The following PLEKHG5 variants were observed in gnomAD, a reference collection of about 807,000 sequenced individuals.
PLEKHG5 encodes pleckstrin homology and RhoGEF domain containing G5.
Under a neutral mutation model 103.8 loss-of-function variants are expected in PLEKHG5, and 52 were observed. The observed-to-expected ratio is 0.50, with a 90% CI of 0.40 to 0.63. The LOEUF (loss-of-function observed/expected upper bound fraction) is 0.63. PLEKHG5 is among the 30% of genes least tolerant of loss of function. The pLI is 0.00. For synonymous variants in PLEKHG5, 592 were observed against 575.5 expected (o/e 1.03, Z -0.41); for missense variants, 1,205 against 1,347.6 (o/e 0.89, Z 1.66).
rs1645131236 is a variant in PLEKHG5 at position 6,490,536 on chromosome 1, G to T, written c.-88+1101C>A. Reference sequence around the variant, plus strand: ...AGCCTCATGGGGCGCGCGGGGAGAGGGGGACGGGAGCCGCGGGACGGGCTC... The same window carrying T: ...AGCCTCATGGGGCGCGCGGGGAGAGTGGGACGGGAGCCGCGGGACGGGCTC... On this transcript the variant is annotated intron_variant, in intron 1 of 20. Transcript: ENST00000377728. This position sits in a 1 kb window ranked among gnomAD's most constrained non-coding sequence, Gnocchi z 8.0. 1.0e-6 allele frequency: 1 copy of T among 985,544 alleles called. No individual in the cohort carries two copies. Among genetic ancestry groups the T allele is most frequent in the Non-Finnish European group, 1.2e-6 (1 of 830,018 alleles). The allele number at this position is 985,544 out of a possible 1,614,324, so 61.0% of individuals were successfully genotyped here.
chr1:6,501,602 A>T (rs1645297610), upstream of PLEKHG5, among the ~76,000 whole-genome samples: 1 of 152,056 alleles, frequency 6.6e-6, no homozygotes, highest in African/African-American at 2.4e-5. The surrounding 1 kb of genome is among the most constrained non-coding windows in gnomAD (Gnocchi z 4.3). Flanking sequence ...TGTGTAGAGG[A>T]ATGATCATTG....
At position 6,473,309 on chromosome 1, in the gene PLEKHG5, G is replaced by A. The variant is rs1349934211; in HGVS notation, c.737C>T (p.Ala246Val). Reference protein sequence around the residue: ...TNTGDSWKNRAASRFSGFFSS... With the variant: ...TNTGDSWKNRVASRFSGFFSS... Reference sequence around the variant, plus strand: ...GAAAAAGCCGCTGAAGCGACTGGCCGCCCGGTTCTTCCAGCTGTCGCCAGT... The same window carrying A: ...GAAAAAGCCGCTGAAGCGACTGGCCACCCGGTTCTTCCAGCTGTCGCCAGT... The change falls in exon 8 of 21, where the codon GCG becomes GTG. Residue 246 changes from alanine (A) to valine (V), a missense_variant. By Grantham distance (64) the Ala-to-Val change is moderately conservative. Coordinates refer to ENST00000377728, the MANE Select transcript of PLEKHG5 (RefSeq NM_020631.6). 4.4e-6 allele frequency: 7 copies of A among 1,577,406 alleles called. No homozygotes were observed. Among genetic ancestry groups the A allele is most frequent in the Admixed American group, 1.8e-5 (1 of 54,266 alleles).
chr1:6,467,513 G>C lies in PLEKHG5; in HGVS notation c.*50C>G, dbSNP rs747777905. ...AGGTGCCGGCACGCCCCAGGAGGCA[G>C]GCTGTCTGCTGTCTCTTGGTCAATG... is the stretch of plus-strand genomic sequence containing the variant. On this transcript the variant is annotated 3_prime_UTR_variant, in exon 21 of 21. Transcript: ENST00000377728. The C allele has an allele frequency of 1.1e-5, 17 of 1,596,186 alleles. No homozygotes were observed. The highest frequency in any genetic ancestry group is 1.3e-5 in the African/African-American group (1 of 74,700).
At chr1:6,484,055 G>A (rs1365090814) in intron 1 of PLEKHG5, among the ~76,000 whole-genome samples, 2 of 152,204 alleles carry the variant, frequency 1.3e-5, no homozygotes, top group African/African-American at 2.4e-5. Flanking sequence ...GTGCTAGGTC[G>A]GAGGAGTTCT....
intron 1 of PLEKHG5, among the ~76,000 whole-genome samples, chr1:6,478,935 C>T (rs892519564): frequency 1.3e-4 from 20 of 151,938 alleles, no homozygotes; most frequent in African/African-American, 4.4e-4. Flanking sequence ...TGAGCCACCG[C>T]GCCCAGACTT....
rs755236602 is a variant in PLEKHG5, at chr1:6,473,241, G to A, written c.795+10C>T. On this transcript the variant is annotated intron_variant, in intron 8 of 20. Coordinates refer to ENST00000377728, the MANE Select transcript of PLEKHG5 (RefSeq NM_020631.6). ...CAGCTGCCTGACCCTGGGCAGATGG[G>A]GCCACATACCCGGCCAAAGGCGCTG... The A allele has an allele frequency of 1.2e-6, 2 of 1,612,454 alleles. No individual in the cohort carries two copies. Among genetic ancestry groups the A allele is most frequent in the East Asian group, 2.2e-5 (1 of 44,862 alleles).
At chr1:6,519,786 C>T (rs941311950) in exon 1 of PLEKHG5, 35 of 548,738 alleles carry the variant, frequency 6.4e-5, no homozygotes, top group African/African-American at 4.4e-4. Flanking sequence ...TCGCAGCCGC[C>T]GCTCACACTG....
intron 1 of PLEKHG5, among the ~76,000 whole-genome samples, chr1:6,503,364 G>A (rs899762117): frequency 6.6e-5 from 10 of 151,536 alleles, no homozygotes; most frequent in Non-Finnish European, 1.0e-4. Flanking sequence ...CTGTGATCTC[G>A]CCACTGCACT....
intron 20 of PLEKHG5, 65 bp downstream of exon 20, chr1:6,467,760 G>A: frequency 1.3e-6 from 2 of 1,576,746 alleles, no homozygotes; most frequent in South Asian, 1.1e-5. Flanking sequence ...GATGCTCCCA[G>A]GCATGAGTGG....
rs901739321 is a variant in PLEKHG5, at chr1:6,472,534, A to G, written c.1073T>C (p.Ile358Thr). The G allele has an allele frequency of 1.2e-6, 2 of 1,610,864 alleles. No homozygotes were observed. Among genetic ancestry groups the G allele is most frequent in the Non-Finnish European group, 1.7e-6 (2 of 1,177,458 alleles). Residue 358 changes from isoleucine (I) to threonine (T), a missense_variant, in exon 10 of 21, where the codon ATC becomes ACC. By Grantham distance (89) the Ile-to-Thr change is moderately conservative (BLOSUM62 -1). Coordinates refer to ENST00000377728, the MANE Select transcript of PLEKHG5 (RefSeq NM_020631.6). ...EASYIRKLRV[I>T]INLFLCCLLN... ...AGCGCAGCCCCTACTCACGTTGATG[A>G]TCACCCGCAGTTTCCTGATGTAGGA...
At chr1:6,514,819 G>A (rs1638571228) in intron 1 of PLEKHG5, among the ~76,000 whole-genome samples, 1 of 150,988 alleles carries the variant, frequency 6.6e-6, no homozygotes, top group African/African-American at 2.4e-5. Context: ...TGTAATCCCA[G>A]CACTTGGAGA....
At chr1:6,497,274 C>T, upstream of PLEKHG5, 2 of 914,012 alleles carry the variant, frequency 2.2e-6, no homozygotes, top group Non-Finnish European at 1.7e-6. This position sits in a 1 kb window ranked among gnomAD's most constrained non-coding sequence, Gnocchi z 6.1. Flanking sequence ...CGGCCCGGCC[C>T]CCCAGGACCC....
chr1:6,471,795 C>A lies in PLEKHG5; in HGVS notation c.1094G>T (p.Cys365Phe). 1 of 1,609,698 alleles carries A rather than the reference C, an allele frequency of 6.2e-7. No individual in the cohort carries two copies. The change falls in exon 11 of 21, where the codon TGC (cysteine) becomes TTC (phenylalanine). Residue 365 changes from cysteine (C) to phenylalanine (F), a missense_variant. By Grantham distance (205) the Cys-to-Phe change is radical. Transcript: ENST00000377728. ...CCCTGACTCTTGCAGGTTCAGGAGG[C>A]AGCACAGGAACAGCTGTGGGATCAG... ...LRVIINLFLCCLLNLQESGLL... is the reference protein window; with the variant it reads ...LRVIINLFLCFLLNLQESGLL...
In PLEKHG5 at chr1:6,490,494, C is replaced by T; in HGVS notation, c.-88+1143G>A. 3 of 977,108 alleles carry T rather than the reference C, an allele frequency of 3.1e-6. No homozygotes were observed. The highest frequency in any genetic ancestry group is 5.3e-4 in the Middle Eastern group (1 of 1,888). The allele number at this position is 977,108 out of a possible 1,614,324, so 60.5% of individuals were successfully genotyped here. On this transcript the variant is annotated intron_variant, in intron 1 of 20. Transcript: ENST00000377728. The surrounding 1 kb of genome is among the most constrained non-coding windows in gnomAD (Gnocchi z 8.0). ...CCCCGGTGTCTAAGGCTCTAAGGCTCGGGCCGAGACTGCCAAAGCCTCATG... is the reference window on the plus strand; with the variant it reads ...CCCCGGTGTCTAAGGCTCTAAGGCTTGGGCCGAGACTGCCAAAGCCTCATG...
chr1:6,469,378 T>C lies in PLEKHG5; in HGVS notation c.2006A>G (p.Gln669Arg), dbSNP rs1569844001. 1 of 1,614,146 alleles carries C rather than the reference T, an allele frequency of 6.2e-7. No individual in the cohort carries two copies. The highest frequency in any genetic ancestry group is 8.5e-7 in the Non-Finnish European group (1 of 1,180,014). The change falls in exon 18 of 21, where the codon CAG becomes CGG. Residue 669 changes from glutamine to arginine, a missense_variant. Transcript: ENST00000377728. The part of the protein sequence containing the change: ...VGAYTFQASG[Q>R]ALCRGWVDTI... ...GTCCACCCAGCCACGGCACAAGGCC[T>C]GGCCACTGGCCTGGAACGTGTAGGC...
At chr1:6,499,640 A>G (rs1463271173), upstream of PLEKHG5, among the ~76,000 whole-genome samples, 1 of 152,130 alleles carries the variant, frequency 6.6e-6, no homozygotes, top group Non-Finnish European at 1.5e-5. Flanking sequence ...GGGTGAGGTC[A>G]GGACAAGCAG....
Position 6,471,007 on chromosome 1 carries a change from A to C in PLEKHG5, c.1375T>G (p.Phe459Val), listed in dbSNP as rs1255812842. The change falls in exon 13 of 21, where the codon TTC becomes GTC. Residue 459 changes from phenylalanine to valine, a missense_variant. Phe to Val is a conservative substitution (Grantham distance 50). Transcript: ENST00000377728. ...MRGLLRDNDL[F>V]RAYITWAEKH... The stretch of plus-strand genomic sequence containing the variant: ...GCCCTCACCGTGATGTAGGCCCGGA[A>C]GAGGTCGTTGTCGCGCAGCAGGCCG... 1 of 1,604,904 alleles carries C rather than the reference A, an allele frequency of 6.2e-7. No homozygotes were observed. Among genetic ancestry groups the C allele is most frequent in the East Asian group, 2.3e-5 (1 of 44,256 alleles).
Position 6,501,854 on chromosome 1 carries a change from A to G in PLEKHG5, c.-164-5285T>C, listed in dbSNP as rs893389374. Reference sequence around the variant, plus strand: ...ACTGGTCCCAGGCTGACACAAGTGCATGGAAAACCACCTCGTTCTCATTTT... The same window carrying G: ...ACTGGTCCCAGGCTGACACAAGTGCGTGGAAAACCACCTCGTTCTCATTTT... On this transcript the variant is annotated intron_variant, in intron 1 of 21. Coordinates refer to the PLEKHG5 transcript ENST00000377740. The surrounding 1 kb of genome is among the most constrained non-coding windows in gnomAD (Gnocchi z 4.3). Among the ~76,000 whole-genome samples the G allele has an allele frequency of 5.9e-5, 9 of 152,126 alleles. No homozygotes were observed. In the East Asian group the frequency reaches 1.7e-3, roughly 29 times the overall value.
intron 2 of PLEKHG5, among the ~76,000 whole-genome samples, chr1:6,476,756 T>A (rs116293329): frequency 0.06 from 9,133 of 151,948 alleles, 857 homozygotes; most frequent in African/African-American, 0.21. Flanking sequence ...GAGTCTTTTG[T>A]TTGTTTATTG....
Sources: gnomAD v4.1 joint callset for allele counts (sites outside exome capture counted in the v4.1 genomes callset) on GRCh38, gnomAD v4.1.1 for gene constraint, Gnocchi (gnomAD v3.1) non-coding constraint, MANE v1.5 for transcripts, NCBI Gene and HGNC (gene_info 2026-07-23, HGNC 2026-07-21) for gene names.